Variants in CTNNBL1 observed in about 807,000 individuals in gnomAD.
The protein encoded by CTNNBL1 is beta-catenin-like protein 1.
Under a neutral mutation model 72.7 loss-of-function variants are expected in CTNNBL1, and 31 were observed. The ratio of observed to expected loss-of-function variants is 0.43; its 90% CI spans 0.32 to 0.58. The LOEUF (loss-of-function observed/expected upper bound fraction) is 0.58, where lower values mean the gene tolerates loss of function less well. CTNNBL1 is among the 20% of genes least tolerant of loss of function. The pLI is 0.08. For missense variants in CTNNBL1, 534 were observed against 725.1 expected (o/e 0.74, Z 3.03); for synonymous variants, 240 against 267.3 (o/e 0.90, Z 1.00).
intron 13 of CTNNBL1, among the ~76,000 whole-genome samples, chr20:37,846,205 G>A (rs1396065097): frequency 6.6e-6 from 1 of 151,752 alleles, no homozygotes; most frequent in Admixed American, 6.5e-5. Flanking sequence ...GGCTAGTTTT[G>A]TGGCTGAGCA....
At chr20:37,729,604 A>T (rs1377344741) in intron 1 of CTNNBL1, among the ~76,000 whole-genome samples, 3 of 151,820 alleles carry the variant, frequency 2.0e-5, no homozygotes, top group African/African-American at 4.8e-5. Flanking sequence ...TTCCGTGGAG[A>T]ACTATGGAGC....
chr20:37,737,971 C>G (rs2073184321), intron 3 of CTNNBL1, among the ~76,000 whole-genome samples: 1 of 152,224 alleles, frequency 6.6e-6, no homozygotes. Context: ...GTTCAGTGCC[C>G]CGGGCTGACA....
At chr20:37,763,647 G>A (rs1245363189) in intron 5 of CTNNBL1, among the ~76,000 whole-genome samples, 8 of 152,054 alleles carry the variant, frequency 5.3e-5, no homozygotes, top group Non-Finnish European at 1.2e-4. Context: ...TACCTTACAC[G>A]CAAGGACTCT....
chr20:37,757,589 A>G lies in CTNNBL1; in HGVS notation c.497A>G (p.Gln166Arg), dbSNP rs1232627053. The change falls in exon 5 of 16, where the codon CAG (glutamine) becomes CGG (arginine). Residue 166 changes from glutamine to arginine, a missense_variant. Coordinates refer to ENST00000361383, the MANE Select transcript of CTNNBL1 (RefSeq NM_030877.5). The part of the protein sequence containing the change: ...DVSIAVVDLL[Q>R]ELTDIDTLHE... ...TCCATAGCTGTGGTCGATTTGCTTC[A>G]GGAATTAACAGATATAGACACCCTC... is the stretch of plus-strand genomic sequence containing the variant. 1.2e-6 allele frequency: 2 copies of G among 1,613,912 alleles called. No homozygotes were observed. Among genetic ancestry groups the G allele is most frequent in the Non-Finnish European group, 1.7e-6 (2 of 1,179,788 alleles).
chr20:37,858,057 T>G (rs142932699), intron 13 of CTNNBL1, among the ~76,000 whole-genome samples: 406 of 152,218 alleles, frequency 2.7e-3, no homozygotes, highest in African/African-American at 9.3e-3. Context: ...ATTAGCTGAG[T>G]GTGGTGGCAT....
intron 4 of CTNNBL1, among the ~76,000 whole-genome samples, chr20:37,753,992 A>G (rs2073342793): frequency 6.6e-6 from 1 of 152,224 alleles, no homozygotes; most frequent in South Asian, 2.1e-4. Context: ...ACAAGATTAC[A>G]TGGCTGGTGA....
intron 1 of CTNNBL1, among the ~76,000 whole-genome samples, chr20:37,699,509 A>G (rs138526259): frequency 4.3e-4 from 66 of 152,302 alleles, no homozygotes; most frequent in African/African-American, 1.6e-3. Context: ...CCAGCTGAAC[A>G]CTCAGAGGTA....
chr20:37,729,351 G>A (rs2073110988), intron 1 of CTNNBL1, among the ~76,000 whole-genome samples: 1 of 152,142 alleles, frequency 6.6e-6, no homozygotes, highest in South Asian at 2.1e-4. Context: ...GGTGAAGATT[G>A]AAGTTCTGCA....
intron 1 of CTNNBL1, among the ~76,000 whole-genome samples, chr20:37,722,846 G>A (rs1267209096): frequency 6.6e-6 from 1 of 152,178 alleles, no homozygotes; most frequent in Non-Finnish European, 1.5e-5. Flanking sequence ...CTGTTTTGTT[G>A]TTAAATTGAT....
chr20:37,850,197 T>G (rs76926644), intron 13 of CTNNBL1, among the ~76,000 whole-genome samples: 30 of 92,160 alleles, frequency 3.3e-4, no homozygotes, highest in Non-Finnish European at 5.0e-4. Flanking sequence ...GAGCAGTCTG[T>G]TTTTTTTTTA....
In CTNNBL1 at chr20:37,702,671, C is replaced by T. The variant is rs536870998; in HGVS notation, c.30+8519C>T. 7.9e-5 allele frequency among the ~76,000 whole-genome samples: 12 copies of T among 152,094 alleles called. No homozygotes were observed. The South Asian group carries it at 2.5e-3, about 32-fold the overall frequency. On this transcript the variant is annotated intron_variant, in intron 1 of 15. Coordinates refer to ENST00000361383, the MANE Select transcript of CTNNBL1 (RefSeq NM_030877.5). ...CTTTCATCTCATGAGTGATTTTTTT[C>T]CTTAAGTTCACTTCCTCCCTCTGCG...
Position 37,746,574 on chromosome 20 carries a change from T to C in CTNNBL1, c.433T>C (p.Ser145Pro), listed in dbSNP as rs1352383522. The C allele has an allele frequency of 1.9e-6, 3 of 1,614,100 alleles. No homozygotes were observed. Among genetic ancestry groups the C allele is most frequent in the Non-Finnish European group, 2.5e-6 (3 of 1,179,978 alleles). The part of the protein sequence containing the change: ...HLLVELNAVQ[S>P]LLGLLGHDNT... ...TCTGGTGGAGCTGAATGCTGTACAGTCGCTTCTCGGCTTGCTCGGACACGA... is the reference window on the plus strand; with the variant it reads ...TCTGGTGGAGCTGAATGCTGTACAGCCGCTTCTCGGCTTGCTCGGACACGA... Residue 145 changes from serine to proline, a missense_variant, in exon 4 of 16, where the codon TCG (serine) becomes CCG (proline). Transcript: ENST00000361383.
At chr20:37,839,024 G>T (rs552963391) in intron 11 of CTNNBL1, among the ~76,000 whole-genome samples, 2 of 152,200 alleles carry the variant, frequency 1.3e-5, no homozygotes, top group African/African-American at 4.8e-5. Flanking sequence ...GCATGTAATG[G>T]TTTTCAAAGC....
chr20:37,839,765 T>C (rs1401971076), intron 11 of CTNNBL1, among the ~76,000 whole-genome samples: 1 of 152,248 alleles, frequency 6.6e-6, no homozygotes, highest in African/African-American at 2.4e-5. Flanking sequence ...CATATTCTAT[T>C]CACAGGTTAT....
rs531334005 is a variant in CTNNBL1 at position 37,842,907 on chromosome 20, C to T, written c.1392+488C>T. Among the ~76,000 whole-genome samples the T allele has an allele frequency of 5.9e-5, 9 of 152,324 alleles. No homozygotes were observed. In the East Asian group the frequency reaches 1.7e-3, roughly 29 times the overall value. Reference sequence around the variant, plus strand: ...GACCTAGAGAACGGAAGCTCAGATGCATTGCAGCCAAGCCAAACCGCAGGT... The same window carrying T: ...GACCTAGAGAACGGAAGCTCAGATGTATTGCAGCCAAGCCAAACCGCAGGT... On this transcript the variant is annotated intron_variant, in intron 13 of 15. Coordinates refer to ENST00000361383, the MANE Select transcript of CTNNBL1 (RefSeq NM_030877.5).
At chr20:37,747,661 C>T (rs2073279305) in intron 4 of CTNNBL1, among the ~76,000 whole-genome samples, 1 of 152,160 alleles carries the variant, frequency 6.6e-6, no homozygotes, top group African/African-American at 2.4e-5. Context: ...TCACTACAGC[C>T]TCAAACTCCT....
chr20:37,838,588 G>A (rs993410969), intron 11 of CTNNBL1, among the ~76,000 whole-genome samples: 3 of 152,152 alleles, frequency 2.0e-5, no homozygotes, highest in African/African-American at 7.2e-5. Flanking sequence ...GTGTTTGGAC[G>A]TTAAGTTTAA....
intron 3 of CTNNBL1, among the ~76,000 whole-genome samples, chr20:37,738,812 G>A (rs1405930162): frequency 2.6e-5 from 4 of 152,178 alleles, no homozygotes; most frequent in Non-Finnish European, 2.9e-5. Flanking sequence ...ACACAGGAAG[G>A]CATGCCAGGC....
chr20:37,859,369 A>G (rs1383527902), intron 13 of CTNNBL1, among the ~76,000 whole-genome samples: 1 of 151,932 alleles, frequency 6.6e-6, no homozygotes, highest in Non-Finnish European at 1.5e-5. Flanking sequence ...AAAAAAAAAA[A>G]AAAGAAAAGA....
Sources: allele counts gnomAD v4.1 joint callset (sites outside exome capture counted in the v4.1 genomes callset), GRCh38; gene constraint gnomAD v4.1.1; transcripts MANE v1.5; gene names NCBI Gene and HGNC (gene_info 2026-07-23, HGNC 2026-07-21).